The following ENTREP2 variants were observed in gnomAD, a reference collection of about 807,000 sequenced individuals.
ENTREP2 encodes endosomal transmembrane epsin interactor 2, also known as protein ENTREP2.
chr15:29,190,714 G>C, the ENTREP2 span, among the ~76,000 whole-genome samples: 16 of 152,142 alleles, frequency 1.1e-4, 1 homozygote, highest in Admixed American at 1.0e-3. Context: ...CAATTATATA[G>C]GATTTCCCCC....
the ENTREP2 span, among the ~76,000 whole-genome samples, chr15:29,388,156 A>G: frequency 6.6e-6 from 1 of 152,248 alleles, no homozygotes. Context: ...GCACAGCAAA[A>G]GAAACTACCA....
the ENTREP2 span, among the ~76,000 whole-genome samples, chr15:29,523,391 G>A: frequency 6.6e-6 from 1 of 151,932 alleles, no homozygotes; most frequent in Non-Finnish European, 1.5e-5. Flanking sequence ...CTTAACAAAA[G>A]AGATATAACT....
the ENTREP2 span, among the ~76,000 whole-genome samples, chr15:29,331,591 T>C: frequency 1.9e-4 from 29 of 152,162 alleles, no homozygotes; most frequent in Non-Finnish European, 4.4e-5. Context: ...TTGTGACATC[T>C]AAACATCCCC....
chr15:29,389,083 T>G, the ENTREP2 span, among the ~76,000 whole-genome samples: 2 of 151,470 alleles, frequency 1.3e-5, no homozygotes, highest in African/African-American at 4.9e-5. Flanking sequence ...CTGCACGTTG[T>G]GCACATGTAC....
chr15:29,381,805 G>A, the ENTREP2 span: 13 of 1,551,570 alleles, frequency 8.4e-6, no homozygotes, highest in South Asian at 1.2e-5. Flanking sequence ...TCCAGGAGAC[G>A]ACACCTATGA....
chr15:29,172,288 A>G, the ENTREP2 span, among the ~76,000 whole-genome samples: 1 of 152,236 alleles, frequency 6.6e-6, no homozygotes. Context: ...TGTGAAGGAC[A>G]GTAATTTATT....
the ENTREP2 span, among the ~76,000 whole-genome samples, chr15:29,476,984 C>T: frequency 0.45 from 68,184 of 151,944 alleles, 16,751 homozygotes; most frequent in African/African-American, 0.67. Context: ...GTCGGCAGCA[C>T]TGACTCTAAG....
At chr15:29,195,113 T>C in the ENTREP2 span, 1 of 985,030 alleles carries the variant, frequency 1.0e-6, no homozygotes, top group Non-Finnish European at 1.2e-6. Context: ...ATGAAATACC[T>C]GGTCCCATGA....
At chr15:29,612,537 C>A in the ENTREP2 span, 1 of 152,878 alleles carries the variant, frequency 6.5e-6, no homozygotes, top group Non-Finnish European at 1.5e-5. Flanking sequence ...CTCCATATAT[C>A]CTTGAGGTGG....
chr15:29,296,246 G>C, the ENTREP2 span, among the ~76,000 whole-genome samples: 2 of 152,170 alleles, frequency 1.3e-5, no homozygotes, highest in African/African-American at 4.8e-5. Context: ...ATGTAGAAAA[G>C]AGATGATGGT....
the ENTREP2 span, among the ~76,000 whole-genome samples, chr15:29,535,147 G>A: frequency 1.3e-5 from 2 of 152,142 alleles, no homozygotes; most frequent in Non-Finnish European, 1.5e-5. Flanking sequence ...CTGCTCAGGA[G>A]GCTGAGGCAG....
the ENTREP2 span, among the ~76,000 whole-genome samples, chr15:29,597,162 C>G: frequency 6.6e-6 from 1 of 151,912 alleles, no homozygotes; most frequent in East Asian, 1.9e-4. Flanking sequence ...AAACACTGAT[C>G]TGTTTATTGT....
chr15:29,614,898 T>G, the ENTREP2 span, among the ~76,000 whole-genome samples: 1 of 152,144 alleles, frequency 6.6e-6, no homozygotes, highest in South Asian at 2.1e-4. Context: ...CTCTATTTTT[T>G]TTTTAAGTAA....
chr15:29,194,141 G>A, the ENTREP2 span, among the ~76,000 whole-genome samples: 1 of 152,204 alleles, frequency 6.6e-6, no homozygotes, highest in Admixed American at 6.5e-5. Flanking sequence ...AATTACAAAG[G>A]AAATGATAGC....
the ENTREP2 span, among the ~76,000 whole-genome samples, chr15:29,169,984 A>G: frequency 6.6e-6 from 1 of 152,202 alleles, no homozygotes; most frequent in Non-Finnish European, 1.5e-5. Context: ...AGAACTAAAT[A>G]TAATAGTTGT....
chr15:29,583,935 T>G, the ENTREP2 span, among the ~76,000 whole-genome samples: 2 of 152,148 alleles, frequency 1.3e-5, no homozygotes, highest in African/African-American at 4.8e-5. Context: ...TGAAACTCTT[T>G]GAAGAAAATA....
chr15:29,173,110 T>C, the ENTREP2 span, among the ~76,000 whole-genome samples: 8 of 152,262 alleles, frequency 5.3e-5, no homozygotes, highest in Non-Finnish European at 1.5e-5. Context: ...TCTAGCTCTC[T>C]CCGCTTCCCA....
the ENTREP2 span, chr15:29,234,288 C>T: frequency 6.2e-7 from 1 of 1,612,376 alleles, no homozygotes; most frequent in South Asian, 1.1e-5. Flanking sequence ...GCTGTATCAT[C>T]TTTCGGGTCA....
the ENTREP2 span, among the ~76,000 whole-genome samples, chr15:29,398,532 T>C: frequency 0.016 from 2,497 of 152,110 alleles, 70 homozygotes; most frequent in African/African-American, 0.056. Context: ...TAGACCAGCC[T>C]GGCCAACATG....
Sources: allele counts gnomAD v4.1 joint callset (sites outside exome capture counted in the v4.1 genomes callset), GRCh38; gene constraint gnomAD v4.1.1; transcripts MANE v1.5; gene names NCBI Gene and HGNC (gene_info 2026-07-23, HGNC 2026-07-21).